Variants in MYADML2 observed in about 807,000 individuals in gnomAD.
The protein encoded by MYADML2 is myeloid associated differentiation marker like 2.
MYADML2 carries 17 observed loss-of-function variants against 16.0 expected under a neutral mutation model. That is an observed-to-expected ratio of 1.06 (90% CI 0.73 to 1.60). MYADML2 has a LOEUF of 1.60. Ranked by LOEUF, MYADML2 falls within the 40% of genes most tolerant of loss-of-function variation. The pLI is 0.00. For synonymous variants in MYADML2, 210 were observed against 208.1 expected, an observed-to-expected ratio of 1.01 and a Z score of -0.08; for missense variants, 422 against 437.7, an observed-to-expected ratio of 0.96 and a Z score of 0.32.
At chr17:81,946,146 G>C (rs576787300) in intron 1 of MYADML2, among the ~76,000 whole-genome samples, 2 of 151,604 alleles carry the variant, frequency 1.3e-5, no homozygotes, top group Admixed American at 1.3e-4. Context: ...CCTGAGGTCA[G>C]GAGTTTGAGA....
At position 81,940,619 on chromosome 17, in the gene MYADML2, C is replaced by T; in HGVS notation, c.*199G>A. On this transcript the variant is annotated 3_prime_UTR_variant, in exon 3 of 3. Coordinates refer to ENST00000409745, the MANE Select transcript of MYADML2 (RefSeq NM_001145113.3). ...GCTCTCCCCTGCGTCTGCTCAGGGC[C>T]TCTGCCCTACTGTCCTGCCCTTGTC... is the stretch of plus-strand genomic sequence containing the variant. 1.7e-6 allele frequency: 1 copy of T among 599,308 alleles called. No homozygotes were observed. Among genetic ancestry groups the T allele is most frequent in the Non-Finnish European group, 2.9e-6 (1 of 347,416 alleles). 37.1% of individuals were successfully genotyped at this position (599,308 alleles called of 1,614,324 possible).
At position 81,941,223 on chromosome 17, in the gene MYADML2, G is replaced by A. The variant is rs765463735; in HGVS notation, c.519C>T (p.Phe173=). 32 of 1,550,168 alleles carry A rather than the reference G, an allele frequency of 2.1e-5. No homozygotes were observed. The South Asian group carries it at 2.7e-4, about 13-fold the overall frequency. ...VSGLLKIVQA[F]VACIIFGALV... The stretch of plus-strand genomic sequence containing the variant: ...GCGCCCCGAAGATGATGCAGGCCAC[G>A]AAGGCCTGGACGATCTTGAGGAGCC... The change falls in exon 3 of 3, where the codon TTC becomes TTT. Residue 173 remains phenylalanine, a synonymous_variant. Coordinates refer to ENST00000409745, the MANE Select transcript of MYADML2 (RefSeq NM_001145113.3).
rs1233034303 is a variant in MYADML2 at position 81,940,800 on chromosome 17, G to A, written c.*18C>T. ...GCTGGTGGCCAGAGAGCAGAGGTGG[G>A]TGGGCTGCCACTGTGGGCTACAGGC... On this transcript the variant is annotated 3_prime_UTR_variant, in exon 3 of 3. Coordinates refer to ENST00000409745, the MANE Select transcript of MYADML2 (RefSeq NM_001145113.3). The A allele has an allele frequency of 4.0e-6, 6 of 1,484,444 alleles. No individual in the cohort carries two copies. The highest frequency in any genetic ancestry group is 2.3e-5 in the Admixed American group (1 of 44,222). The allele number at this position is 1,484,444 out of a possible 1,614,324, so 92.0% of individuals were successfully genotyped here. A position where few individuals can be genotyped will look rare whatever the true frequency, so the allele number is the denominator to read the frequency against.
chr17:81,944,530 C>T (rs1341837398), intron 1 of MYADML2, among the ~76,000 whole-genome samples: 1 of 152,170 alleles, frequency 6.6e-6, no homozygotes, highest in Non-Finnish European at 1.5e-5. Flanking sequence ...GACCCCGGTT[C>T]CTGACATAGA....
rs1899790419 is a variant in MYADML2, at chr17:81,941,330, G to A, written c.412C>T (p.Leu138Phe). ...RLAASVFAGL[L>F]FLAYAVEVAL... ...ACCTCCACAGCGTAGGCCAGGAAGA[G>A]GAGCCCGGCGAAGACACTGGCTGCC... Residue 138 changes from leucine (L) to phenylalanine (F), a missense_variant, in exon 3 of 3, where the codon CTC becomes TTC. Transcript: ENST00000409745. 1.3e-6 allele frequency: 2 copies of A among 1,549,288 alleles called. No individual in the cohort carries two copies. The highest frequency in any genetic ancestry group is 1.4e-5 in the African/African-American group (1 of 73,032).
chr17:81,945,078 C>T (rs1330618072), intron 1 of MYADML2, among the ~76,000 whole-genome samples: 1 of 152,004 alleles, frequency 6.6e-6, no homozygotes, highest in Non-Finnish European at 1.5e-5. Flanking sequence ...CCAGCCTGGC[C>T]AACATAGTGA....
At chr17:81,944,437 C>T (rs1409627822) in intron 1 of MYADML2, among the ~76,000 whole-genome samples, 1 of 152,070 alleles carries the variant, frequency 6.6e-6, no homozygotes, top group African/African-American at 2.4e-5. Context: ...TACTGAATCT[C>T]TGCCCTGGGT....
chr17:81,946,231 T>A (rs2041343426), intron 1 of MYADML2, among the ~76,000 whole-genome samples: 1 of 151,798 alleles, frequency 6.6e-6, no homozygotes, highest in East Asian at 1.9e-4. Context: ...GGTGGGTGCC[T>A]GTAGTCCCAG....
chr17:81,946,415 G>A (rs79700919), intron 1 of MYADML2, among the ~76,000 whole-genome samples: 84,799 of 150,902 alleles, frequency 0.56, 24,385 homozygotes, highest in African/African-American at 0.66. Flanking sequence ...TTGGGAGGCT[G>A]AGGCGGGCGG....
intron 1 of MYADML2, among the ~76,000 whole-genome samples, chr17:81,944,601 C>T (rs2041329915): frequency 6.6e-6 from 1 of 151,976 alleles, no homozygotes; most frequent in Non-Finnish European, 1.5e-5. Flanking sequence ...GCTCCCAATC[C>T]CCTTGAATTT....
intron 1 of MYADML2, among the ~76,000 whole-genome samples, chr17:81,943,552 C>T (rs2041322068): frequency 1.4e-5 from 2 of 144,624 alleles, no homozygotes; most frequent in South Asian, 2.3e-4. Flanking sequence ...TACAGGTGCC[C>T]GCCACCACGC....
chr17:81,943,408 C>CTT (rs111377786), intron 1 of MYADML2, among the ~76,000 whole-genome samples: 2 of 138,186 alleles, frequency 1.4e-5, no homozygotes. Flanking sequence ...TTCTTTTTTT[C>CTT]TTTTTTTTTT....
Position 81,941,171 on chromosome 17 carries a change from A to G in MYADML2, c.571T>C (p.Tyr191His). Residue 191 changes from tyrosine (Y) to histidine (H), a missense_variant, in exon 3 of 3, where the codon TAC becomes CAC. Coordinates refer to ENST00000409745, the MANE Select transcript of MYADML2 (RefSeq NM_001145113.3). ...ALVHDSRYGR[Y>H]VATQWCVAVY... Reference sequence around the variant, plus strand: ...GCCACGCACCACTGGGTGGCCACGTAGCGCCCGTAGCGGCTGTCATGGACC... The same window carrying G: ...GCCACGCACCACTGGGTGGCCACGTGGCGCCCGTAGCGGCTGTCATGGACC... 1.2e-5 allele frequency: 19 copies of G among 1,550,188 alleles called. No individual in the cohort carries two copies. The highest frequency in any genetic ancestry group is 1.6e-5 in the Non-Finnish European group (18 of 1,146,924).
chr17:81,944,974 A>C (rs2041332290), intron 1 of MYADML2, among the ~76,000 whole-genome samples: 1 of 152,158 alleles, frequency 6.6e-6, no homozygotes, highest in African/African-American at 2.4e-5. Flanking sequence ...GGAAACATAA[A>C]TAAAGTGTTG....
intron 1 of MYADML2, among the ~76,000 whole-genome samples, chr17:81,946,371 G>T (rs1179001197): frequency 6.9e-6 from 1 of 144,814 alleles, no homozygotes; most frequent in African/African-American, 2.6e-5. Flanking sequence ...AGAAAAGGCC[G>T]GGCGCGGTGG....
rs1444358763 is a variant in MYADML2, at chr17:81,943,208, T to A, written c.-180-835A>T. Among the ~76,000 whole-genome samples, 7 of 151,264 alleles carry A rather than the reference T, an allele frequency of 4.6e-5. No individual in the cohort carries two copies. In the East Asian group the frequency reaches 1.4e-3, roughly 29 times the overall value. On this transcript the variant is annotated intron_variant, in intron 1 of 2. Coordinates refer to ENST00000409745, the MANE Select transcript of MYADML2 (RefSeq NM_001145113.3). ...CCTCAACCTCCCGAGTACCTGGGAC[T>A]ACAGGCACCTGCCACCACGCCCGGC...
Position 81,941,845 on chromosome 17 carries a change from T to C in MYADML2, c.-102-2A>G, listed in dbSNP as rs1311293876. 2 of 1,170,434 alleles carry C rather than the reference T, an allele frequency of 1.7e-6. No homozygotes were observed. Among genetic ancestry groups the C allele is most frequent in the Admixed American group, 5.8e-5 (2 of 34,198 alleles). 72.5% of individuals were successfully genotyped at this position (1,170,434 alleles called of 1,614,324 possible). ...GCGGTAGTGGCAGGTGCCTGCAGCC[T>C]GCAGAGGCAGTGACGACGGTGACAT... On this transcript the variant is annotated splice_acceptor_variant, in intron 2 of 2. Transcript: ENST00000409745. LOFTEE classifies it low-confidence loss of function (5UTR_SPLICE).
At chr17:81,944,419 G>T (rs1040377780) in intron 1 of MYADML2, among the ~76,000 whole-genome samples, 1 of 151,786 alleles carries the variant, frequency 6.6e-6, no homozygotes, top group African/African-American at 2.4e-5. Context: ...AAAAGAAAAA[G>T]AAATGCCTAC....
chr17:81,946,381 G>C (rs536131488), intron 1 of MYADML2, among the ~76,000 whole-genome samples: 1 of 151,260 alleles, frequency 6.6e-6, no homozygotes, highest in Non-Finnish European at 1.5e-5. Flanking sequence ...GGGCGCGGTG[G>C]CTCATGCCTG....
Sources: allele counts gnomAD v4.1 joint callset (sites outside exome capture counted in the v4.1 genomes callset), GRCh38; gene constraint gnomAD v4.1.1; transcripts MANE v1.5; gene names NCBI Gene and HGNC (gene_info 2026-07-23, HGNC 2026-07-21).